Variants in ZBTB20 observed in about 807,000 individuals in gnomAD.
The protein encoded by ZBTB20 is zinc finger and BTB domain-containing protein 20.
ZBTB20 carries 9 observed loss-of-function variants against 56.9 expected under a neutral mutation model. The ratio of observed to expected loss-of-function variants is 0.16; its 90% CI spans 0.10 to 0.28. The LOEUF is 0.28. Among genes scored for constraint, ZBTB20 ranks in the 10% least tolerant of loss-of-function variants. The probability of loss-of-function intolerance (pLI) is 1.00; values close to 1 mark genes in which losing one functional copy is unlikely to be tolerated. For synonymous variants in ZBTB20, 417 were observed against 420.7 expected (o/e 0.99, Z 0.11); for missense variants, 655 against 1,003.0 (o/e 0.65, Z 4.69).
chr3:115,011,990 C>A (rs2079736721), intron 2 of ZBTB20, among the ~76,000 whole-genome samples: 1 of 151,676 alleles, frequency 6.6e-6, no homozygotes, highest in Admixed American at 6.6e-5. Context: ...AAGTTGTTGT[C>A]ACCTTAAAAT....
intron 6 of ZBTB20, among the ~76,000 whole-genome samples, chr3:114,582,872 A>T (rs562718593): frequency 1.1e-4 from 16 of 152,356 alleles, no homozygotes; most frequent in African/African-American, 3.6e-4. Flanking sequence ...AATCAAAAGC[A>T]AAAGTTTTCA....
At chr3:114,769,908 A>T (rs921208047) in intron 5 of ZBTB20, among the ~76,000 whole-genome samples, 1 of 151,462 alleles carries the variant, frequency 6.6e-6, no homozygotes, top group African/African-American at 2.4e-5. Context: ...AAAATACAAA[A>T]ATTAGCTGGG....
At chr3:115,040,410 C>G (rs1433988343) in intron 2 of ZBTB20, among the ~76,000 whole-genome samples, 3 of 152,068 alleles carry the variant, frequency 2.0e-5, no homozygotes, top group Non-Finnish European at 4.4e-5. Context: ...CCAGAAGAAT[C>G]AAGGAAGACT....
chr3:115,047,694 T>G (rs2081383238), intron 2 of ZBTB20, among the ~76,000 whole-genome samples: 1 of 152,174 alleles, frequency 6.6e-6, no homozygotes, highest in African/African-American at 2.4e-5. Flanking sequence ...GGACATATTA[T>G]ATACTGTATC....
At chr3:114,871,589 T>C (rs113145501) in intron 4 of ZBTB20, among the ~76,000 whole-genome samples, 75 of 152,164 alleles carry the variant, frequency 4.9e-4, no homozygotes, top group African/African-American at 1.7e-3. Context: ...AGGGGCCCTC[T>C]TCAATAATAA....
chr3:114,953,549 G>T (rs1332909736), intron 3 of ZBTB20, among the ~76,000 whole-genome samples: 1 of 151,778 alleles, frequency 6.6e-6, no homozygotes, highest in Non-Finnish European at 1.5e-5. Context: ...TTATAATAAA[G>T]CTGGAATGGC....
At chr3:114,941,847 T>A (rs1349211791) in intron 3 of ZBTB20, among the ~76,000 whole-genome samples, 1 of 146,246 alleles carries the variant, frequency 6.8e-6, no homozygotes, top group Non-Finnish European at 1.5e-5. Flanking sequence ...CAAACACTGA[T>A]ATTTATCTGC....
intron 11 of ZBTB20, among the ~76,000 whole-genome samples, chr3:114,341,482 T>C (rs948290478): frequency 4.6e-5 from 7 of 152,206 alleles, no homozygotes; most frequent in Admixed American, 1.3e-4. Context: ...AAATTCCAGA[T>C]GGTATTTTGG....
At chr3:114,746,536 C>G (rs1578664662) in intron 5 of ZBTB20, among the ~76,000 whole-genome samples, 1 of 152,098 alleles carries the variant, frequency 6.6e-6, no homozygotes, top group Non-Finnish European at 1.5e-5. Flanking sequence ...TCATCTGTGT[C>G]AGAGAGAGAT....
At chr3:114,576,720 G>T (rs1322559369) in intron 6 of ZBTB20, among the ~76,000 whole-genome samples, 1 of 151,152 alleles carries the variant, frequency 6.6e-6, no homozygotes, top group African/African-American at 2.4e-5. Flanking sequence ...ATTACCGAAA[G>T]AATAAACTGT....
intron 2 of ZBTB20, among the ~76,000 whole-genome samples, chr3:115,024,938 ATTCT>A (rs1298055936): frequency 6.6e-6 from 1 of 151,126 alleles, no homozygotes; most frequent in Non-Finnish European, 1.5e-5. Flanking sequence ...AATTTGCCTT[ATTCT>A]TTCTTTAACT....
intron 7 of ZBTB20, among the ~76,000 whole-genome samples, chr3:114,418,446 G>C (rs1202688569): frequency 6.6e-6 from 1 of 151,864 alleles, no homozygotes; most frequent in Non-Finnish European, 1.5e-5. Flanking sequence ...CATTCACTTA[G>C]TGATATCTTA....
chr3:114,545,032 T>C (rs928184791), intron 6 of ZBTB20, among the ~76,000 whole-genome samples: 1 of 152,196 alleles, frequency 6.6e-6, no homozygotes. Context: ...TTGACATATG[T>C]ATGAAAATAT....
intron 3 of ZBTB20, among the ~76,000 whole-genome samples, chr3:114,947,110 T>C (rs540025347): frequency 2.1e-5 from 3 of 143,908 alleles, no homozygotes; most frequent in African/African-American, 8.5e-5. Context: ...CGATGAGAGA[T>C]CATCTCAGAC....
In ZBTB20 at chr3:114,325,095, C is replaced by G. The variant is rs1410007781; in HGVS notation, c.*13910G>C. 6.6e-6 allele frequency: 1 copy of G among 152,128 alleles called. No homozygotes were observed. Among genetic ancestry groups the G allele is most frequent in the African/African-American group, 2.4e-5 (1 of 41,424 alleles). The allele number at this position is 152,128 out of a possible 1,614,324, so 9.4% of individuals were successfully genotyped here. On this transcript the variant is annotated 3_prime_UTR_variant, in exon 12 of 12. Coordinates refer to ENST00000675478, the MANE Select transcript of ZBTB20 (RefSeq NM_001348800.3). Reference sequence around the variant, plus strand: ...TACTAAGACACCCTGCTTTCATCTACTCTGAAAACCATAATTCTTTCAACA... The same window carrying G: ...TACTAAGACACCCTGCTTTCATCTAGTCTGAAAACCATAATTCTTTCAACA...
chr3:114,438,324 T>C (rs760090575), intron 7 of ZBTB20, among the ~76,000 whole-genome samples: 1 of 151,886 alleles, frequency 6.6e-6, no homozygotes, highest in Non-Finnish European at 1.5e-5. Flanking sequence ...AAAACATCAA[T>C]TTAATGACTG....
In ZBTB20 at chr3:115,038,360, A is replaced by G. The variant is rs2081011440; in HGVS notation, c.-507+32859T>C. On this transcript the variant is annotated intron_variant, in intron 2 of 11. Coordinates refer to ENST00000675478, the MANE Select transcript of ZBTB20 (RefSeq NM_001348800.3). ...GTATGTATGTATAATAACATCATAG[A>G]ACTCTATACAAGCACATACAAAACA... 3.9e-5 allele frequency among the ~76,000 whole-genome samples: 6 copies of G among 152,206 alleles called. No homozygotes were observed. In the South Asian group the frequency reaches 1.2e-3, roughly 31 times the overall value.
intron 7 of ZBTB20, among the ~76,000 whole-genome samples, chr3:114,410,555 CT>C (rs2087839715): frequency 6.6e-6 from 1 of 152,140 alleles, no homozygotes; most frequent in African/African-American, 2.4e-5. Flanking sequence ...CCAGAGCCCC[CT>C]CTCCCCTTCA....
intron 8 of ZBTB20, among the ~76,000 whole-genome samples, chr3:114,385,355 C>T (rs574563487): frequency 6.6e-6 from 1 of 152,244 alleles, no homozygotes; most frequent in African/African-American, 2.4e-5. Context: ...TACCTATTAG[C>T]TGTATGTCCT....
Sources: allele counts gnomAD v4.1 joint callset (sites outside exome capture counted in the v4.1 genomes callset), GRCh38; gene constraint gnomAD v4.1.1; transcripts MANE v1.5; gene names NCBI Gene and HGNC (gene_info 2026-07-23, HGNC 2026-07-21).